Variants in CDK5RAP2 observed in about 807,000 individuals in gnomAD.
CDK5RAP2 encodes the protein CDK5 regulatory subunit-associated protein 2.
A neutral mutation model predicts 232.9 loss-of-function variants in CDK5RAP2; 147 were observed. The ratio of observed to expected loss-of-function variants is 0.63; its 90% confidence interval spans 0.55 to 0.72. The LOEUF is 0.72. Ranked by LOEUF, CDK5RAP2 falls within the 30% of genes least tolerant of loss-of-function variation. The pLI, the probability that CDK5RAP2 is intolerant of heterozygous loss-of-function variation, is 0.00. For missense variants in CDK5RAP2, 2,195 were observed against 2,231.5 expected (o/e 0.98, Z 0.33); for synonymous variants, 833 against 833.7 (o/e 1.00, Z 0.01).
intron 12 of CDK5RAP2, among the ~76,000 whole-genome samples, chr9:120,515,755 A>T (rs941061058): frequency 6.6e-6 from 1 of 152,236 alleles, no homozygotes; most frequent in African/African-American, 2.4e-5. Flanking sequence ...GCAGCCAAAA[A>T]ACACATGAAA....
At chr9:120,393,887 C>T (rs1034274368) in intron 36 of CDK5RAP2, among the ~76,000 whole-genome samples, 2 of 152,196 alleles carry the variant, frequency 1.3e-5, no homozygotes, top group South Asian at 2.1e-4. Flanking sequence ...CAGCCTCCCC[C>T]TCACTGGTGG....
At chr9:120,408,260 G>C (rs187976641) in intron 31 of CDK5RAP2, 87 bp downstream of exon 31, 3 of 1,521,304 alleles carry the variant, frequency 2.0e-6, no homozygotes, top group Non-Finnish European at 2.7e-6. Context: ...AGAGGGCTGA[G>C]CTCTGCCCTC....
intron 15 of CDK5RAP2, 49 bp downstream of exon 15, chr9:120,477,301 G>A: frequency 7.9e-7 from 1 of 1,273,240 alleles, no homozygotes. Flanking sequence ...GCGCGTGCAT[G>A]TGTGTGTGTT....
chr9:120,450,455 T>TA (rs780524919), intron 21 of CDK5RAP2, among the ~76,000 whole-genome samples: 7 of 151,466 alleles, frequency 4.6e-5, no homozygotes, highest in Admixed American at 1.3e-4. Flanking sequence ...GTGAATAGAC[T>TA]AAAAAAAAAC....
intron 17 of CDK5RAP2, 111 bp from the exon 18 acceptor site, chr9:120,468,108 G>T: frequency 9.5e-7 from 1 of 1,048,780 alleles, no homozygotes; most frequent in Non-Finnish European, 1.5e-6. Flanking sequence ...CACAGTTACG[G>T]GGAATCAGGC....
In CDK5RAP2 at chr9:120,437,435, T is replaced by C. The variant is rs1285767169; in HGVS notation, c.3815A>G (p.Gln1272Arg). 4 of 1,613,930 alleles carry C rather than the reference T, an allele frequency of 2.5e-6. No homozygotes were observed. The South Asian group carries it at 4.4e-5, about 18-fold the overall frequency. The change falls in exon 25 of 38, where the codon CAA becomes CGA. Residue 1272 changes from glutamine (Q) to arginine (R), a missense_variant. Physicochemically the swap from Gln to Arg is conservative, Grantham distance 43 (BLOSUM62 1). Coordinates refer to ENST00000349780, the MANE Select transcript of CDK5RAP2 (RefSeq NM_018249.6). ...TGCCTTAATCATGGTGTTCATGTGT[T>C]GACGGGAGATGACACAGATGCCATG... ...DGHGICVISR[Q>R]HMNTMIKAFE...
intron 3 of CDK5RAP2, among the ~76,000 whole-genome samples, chr9:120,562,485 A>G (rs975037777): frequency 1.3e-5 from 2 of 152,130 alleles, no homozygotes; most frequent in African/African-American, 4.8e-5. Context: ...CCGTCAGGCT[A>G]TATGTTGTGC....
In CDK5RAP2 at chr9:120,437,340, G is replaced by A. The variant is rs1406504726; in HGVS notation, c.3910C>T (p.Gln1304Ter). The A allele has an allele frequency of 6.2e-7, 1 of 1,614,074 alleles. No individual in the cohort carries two copies. Among genetic ancestry groups the A allele is most frequent in the South Asian group, 1.1e-5 (1 of 91,066 alleles). ...VAEGFQEQLN[Q>*]CAELLEKLEK... ...AATTTCTCCAGCAGCTCAGCACATT[G>A]ATTCAGCTGTTCCTGGAAACCCTCG... Residue 1304 changes from glutamine (Q) to a stop codon, truncating the protein, a stop_gained, in exon 25 of 38, where the codon CAA (glutamine) becomes TAA (stop). Transcript: ENST00000349780. LOFTEE classifies it high-confidence loss of function.
Position 120,415,057 on chromosome 9 carries a change from C to A in CDK5RAP2, c.4280G>T (p.Gly1427Val). The A allele has an allele frequency of 6.2e-7, 1 of 1,614,184 alleles. No homozygotes were observed. Among genetic ancestry groups the A allele is most frequent in the Non-Finnish European group, 8.5e-7 (1 of 1,180,022 alleles). ...EKLRKQLERQ[G>V]SEFVQGSTSI... ...TTCCTTACCTTGAACAAATTCAGAT[C>A]CTTGCCGTTCCAACTGTTTCCGTAG... The change falls in exon 28 of 38, where the codon GGA (glycine) becomes GTA (valine). Residue 1427 changes from glycine (G) to valine (V), a missense_variant. Physicochemically the swap from Gly to Val is moderately radical, Grantham distance 109. Coordinates refer to ENST00000349780, the MANE Select transcript of CDK5RAP2 (RefSeq NM_018249.6).
chr9:120,473,301 C>T (rs184577097), intron 15 of CDK5RAP2, among the ~76,000 whole-genome samples: 103 of 152,220 alleles, frequency 6.8e-4, no homozygotes, highest in African/African-American at 2.4e-3. Context: ...TCTATGGTTC[C>T]CTAAAAATGT....
intron 12 of CDK5RAP2, among the ~76,000 whole-genome samples, chr9:120,504,231 CAAGTAG>C (rs1228532752): frequency 6.6e-6 from 1 of 151,958 alleles, no homozygotes; most frequent in African/African-American, 2.4e-5. Flanking sequence ...TTCTCTTATT[CAAGTAG>C]AAGTAGAAGT....
intron 23 of CDK5RAP2, among the ~76,000 whole-genome samples, chr9:120,442,311 C>T (rs537327181): frequency 1.5e-4 from 23 of 152,132 alleles, no homozygotes; most frequent in Non-Finnish European, 2.9e-4. Flanking sequence ...TCTCCTGTAC[C>T]GCGGTGCATG....
intron 5 of CDK5RAP2, among the ~76,000 whole-genome samples, chr9:120,541,901 A>C (rs1210997758): frequency 6.6e-6 from 1 of 152,198 alleles, no homozygotes; most frequent in South Asian, 2.1e-4. Flanking sequence ...ACCTGAGGAG[A>C]GAAAAGGCTG....
rs199851990 is a variant in CDK5RAP2, at chr9:120,518,643, C to T, written c.1095G>A (p.Gly365=). ...LQKAQTQEFQ[G]SEDYETALSG... is the part of the protein sequence containing the mutation. ...ATAGAGCAGTCTCATAGTCTTCAGACCCCTAGAAGAGAAGGCAGAGAAGCA... is the reference window on the plus strand; with the variant it reads ...ATAGAGCAGTCTCATAGTCTTCAGATCCCTAGAAGAGAAGGCAGAGAAGCA... Residue 365 remains glycine, a splice_region_variant and synonymous_variant, in exon 12 of 38, where the codon GGG becomes GGA. Transcript: ENST00000349780. 2.2e-5 allele frequency: 35 copies of T among 1,613,008 alleles called. No homozygotes were observed. The African/African-American group carries it at 4.4e-4, about 20-fold the overall frequency.
At chr9:120,475,188 G>A (rs906612915) in intron 15 of CDK5RAP2, among the ~76,000 whole-genome samples, 6 of 152,176 alleles carry the variant, frequency 3.9e-5, no homozygotes, top group African/African-American at 1.4e-4. Context: ...CTGAGGCTCA[G>A]GGTGAGAAAT....
At chr9:120,406,522 G>A (rs1344698162) in intron 32 of CDK5RAP2, 1 of 159,496 alleles carries the variant, frequency 6.3e-6, no homozygotes, top group East Asian at 1.8e-4. Context: ...GAGGTGTCTG[G>A]TCCTCTTTCT....
rs7859743 is a variant in CDK5RAP2, at chr9:120,394,313, A to G, written c.5578+199T>C. ...GTGAGACGACAGTCCCTGACACCAA[A>G]AGGCCGCTCTACAAAGGTGTGTTAA... On this transcript the variant is annotated intron_variant, in intron 36 of 37. Transcript: ENST00000349780. Among the ~76,000 whole-genome samples, 101,443 of 151,966 alleles carry G rather than the reference A, an allele frequency of 0.67. 34,205 individuals carry two copies. The highest frequency in any genetic ancestry group is 0.8 in the East Asian group (4,116 of 5,156).
intron 5 of CDK5RAP2, among the ~76,000 whole-genome samples, chr9:120,542,899 T>C (rs2041697187): frequency 6.6e-6 from 1 of 152,128 alleles, no homozygotes; most frequent in Non-Finnish European, 1.5e-5. Context: ...CCATGCGCGG[T>C]TCCAGATCTG....
intron 23 of CDK5RAP2, among the ~76,000 whole-genome samples, chr9:120,441,569 A>C (rs1312178874): frequency 1.3e-5 from 2 of 152,222 alleles, no homozygotes; most frequent in African/African-American, 4.8e-5. Context: ...AATGCTACAA[A>C]AGCAACAACG....
Sources: allele counts gnomAD v4.1 joint callset (sites outside exome capture counted in the v4.1 genomes callset), GRCh38; gene constraint gnomAD v4.1.1; transcripts MANE v1.5; gene names NCBI Gene and HGNC (gene_info 2026-07-23, HGNC 2026-07-21).